The following PDK3 variants were observed in gnomAD, a reference collection of about 807,000 sequenced individuals.
PDK3 encodes pyruvate dehydrogenase kinase, isozyme 3.
PDK3 carries 12 observed loss-of-function variants against 32.0 expected under a neutral mutation model. That is an observed-to-expected ratio of 0.37 (90% CI 0.24 to 0.61). The LOEUF (loss-of-function observed/expected upper bound fraction) is 0.61. Among genes scored for constraint, PDK3 ranks in the 20% least tolerant of loss-of-function variants. The pLI, the probability that PDK3 is intolerant of heterozygous loss-of-function variation, is 0.65. For synonymous variants in PDK3, 122 were observed against 116.3 expected (o/e 1.05, Z -0.31); for missense variants, 188 against 316.9 (o/e 0.59, Z 3.09).
chrX:24,539,065 G>A (rs1329198118), downstream of PDK3: 1 of 657,683 alleles, frequency 1.5e-6, no homozygotes, highest in East Asian at 3.5e-5. Flanking sequence ...TACTCTAAAA[G>A]TCCTGGTCAA....
chrX:24,482,673 A>G (rs1921293627), intron 1 of PDK3, among the ~76,000 whole-genome samples: 1 of 112,481 alleles, frequency 8.9e-6, no homozygotes, highest in African/African-American at 3.2e-5. Flanking sequence ...TTTCAGAACT[A>G]TCAGATTGAT....
intron 5 of PDK3, 52 bp from the exon 6 acceptor site, chrX:24,518,879 ACG>A (rs1922325674): frequency 6.5e-6 from 4 of 615,033 alleles, no homozygotes; most frequent in Admixed American, 3.1e-5. Context: ...ACACACACAC[ACG>A]CTTGTGCCTA....
Position 24,528,118 on chromosome X carries a change from C to T in PDK3, c.895C>T (p.Arg299Cys), listed in dbSNP as rs1192081613. 1 of 1,201,690 alleles carries T rather than the reference C, an allele frequency of 8.3e-7. No individual in the cohort carries two copies. Residue 299 changes from arginine to cysteine, a missense_variant, in exon 9 of 11, where the codon CGT becomes TGT. By Grantham distance (180) the Arg-to-Cys change is radical. Coordinates refer to ENST00000379162, the MANE Select transcript of PDK3 (RefSeq NM_005391.5). ...TGGTGTCCCACTTCGAAAAATAGAT[C>T]GTCTTTTTAACTACATGTATTCTAC... ...GGGVPLRKID[R>C]LFNYMYSTAP...
intron 4 of PDK3, 79 bp from the exon 5 acceptor site, chrX:24,505,130 T>C (rs865866161): frequency 1.6e-6 from 1 of 637,834 alleles, no homozygotes. Flanking sequence ...TTTCTAAACA[T>C]AAGCCCCTAT....
intron 6 of PDK3, among the ~76,000 whole-genome samples, chrX:24,519,660 G>A (rs191194189): frequency 1.5e-3 from 166 of 111,137 alleles, no homozygotes; most frequent in African/African-American, 5.2e-3. Context: ...GTGAGCCACC[G>A]TGCCCAGCCA....
At chrX:24,477,887 A>G (rs1395658565) in intron 1 of PDK3, among the ~76,000 whole-genome samples, 1 of 111,842 alleles carries the variant, frequency 8.9e-6, no homozygotes, top group African/African-American at 3.3e-5. Flanking sequence ...GTATTTGTGG[A>G]TTCTAGTCAA....
intron 2 of PDK3, among the ~76,000 whole-genome samples, chrX:24,496,893 T>C (rs1195675666): frequency 1.0e-5 from 1 of 100,364 alleles, no homozygotes; most frequent in Non-Finnish European, 2.0e-5. Flanking sequence ...GCCATTCTCC[T>C]GTCTCAACCT....
exon 12 of PDK3, among the ~76,000 whole-genome samples, chrX:24,540,878 A>C: frequency 1.2e-5 from 1 of 81,811 alleles, no homozygotes; most frequent in Non-Finnish European, 2.3e-5. Flanking sequence ...ACATGCAAAG[A>C]CCCTAGCTTC....
At chrX:24,526,350 A>C (rs1922523191) in intron 7 of PDK3, 76 bp downstream of exon 7, 1 of 611,500 alleles carries the variant, frequency 1.6e-6, no homozygotes, top group Non-Finnish European at 2.6e-6. Context: ...TGGATTCATT[A>C]GATTAGCATA....
At chrX:24,469,540 G>A (rs184297591) in intron 1 of PDK3, among the ~76,000 whole-genome samples, 56 of 109,883 alleles carry the variant, frequency 5.1e-4, no homozygotes, top group African/African-American at 1.9e-3. Context: ...GCTTTGAGAG[G>A]CCAAGACAGA....
At chrX:24,513,828 G>A (rs1922186948) in intron 5 of PDK3, 1 of 111,537 alleles carries the variant, frequency 9.0e-6, no homozygotes, top group African/African-American at 3.3e-5. Flanking sequence ...CTGTGGGATT[G>A]TTTTTATTAA....
At chrX:24,529,189 C>T (rs1922589810) in intron 9 of PDK3, among the ~76,000 whole-genome samples, 1 of 111,923 alleles carries the variant, frequency 8.9e-6, no homozygotes, top group Non-Finnish European at 1.9e-5. Flanking sequence ...ACAAACAAAT[C>T]TAGCACCTTC....
intron 1 of PDK3, among the ~76,000 whole-genome samples, chrX:24,489,684 C>CAAAAAAAAAAAA (rs11309543): frequency 4.3e-5 from 2 of 46,720 alleles, no homozygotes; most frequent in Admixed American, 2.7e-4. Flanking sequence ...GACTCTGTCT[C>CAAAAAAAAAAAA]AAAAAAAAAA....
chrX:24,477,727 A>G (rs1921146565), intron 1 of PDK3, among the ~76,000 whole-genome samples: 1 of 111,500 alleles, frequency 9.0e-6, no homozygotes, highest in Non-Finnish European at 1.9e-5. Context: ...TTTTCTGATG[A>G]GCCTTTGTAG....
At chrX:24,470,825 C>G (rs1017518314) in intron 1 of PDK3, among the ~76,000 whole-genome samples, 5 of 110,249 alleles carry the variant, frequency 4.5e-5, no homozygotes, top group African/African-American at 1.7e-4. Context: ...TTGTCCCCCC[C>G]CTTCTTCTTG....
At chrX:24,548,431 ATAGT>A (rs1031436612) in exon 12 of PDK3, 7 of 112,552 alleles carry the variant, frequency 6.2e-5, no homozygotes, top group African/African-American at 1.9e-4. Context: ...ATTCCATTAG[ATAGT>A]TCTAACTTCA....
At chrX:24,478,622 A>G (rs1921172194) in intron 1 of PDK3, among the ~76,000 whole-genome samples, 1 of 112,107 alleles carries the variant, frequency 8.9e-6, no homozygotes, top group African/African-American at 3.2e-5. Flanking sequence ...GGAGAACCCC[A>G]TTCCTGGTCA....
At chrX:24,515,785 A>G (rs778026352) in intron 5 of PDK3, among the ~76,000 whole-genome samples, 49 of 112,189 alleles carry the variant, frequency 4.4e-4, no homozygotes, top group Non-Finnish European at 7.7e-4. Context: ...ATTTAGTACA[A>G]TTCAAAATTT....
chrX:24,492,289 T>C (rs770536483), intron 1 of PDK3, among the ~76,000 whole-genome samples: 22 of 111,988 alleles, frequency 2.0e-4, no homozygotes, highest in Middle Eastern at 4.6e-3. Flanking sequence ...GAAAATATTG[T>C]AACTCAAAAA....
Sources: allele counts gnomAD v4.1 joint callset (sites outside exome capture counted in the v4.1 genomes callset), GRCh38; gene constraint gnomAD v4.1.1; transcripts MANE v1.5; gene names NCBI Gene and HGNC (gene_info 2026-07-23, HGNC 2026-07-21).